Variants in TLL1 observed in about 807,000 individuals in gnomAD.
TLL1 encodes tolloid-like protein 1.
In TLL1, 49 loss-of-function variants were observed where a neutral mutation model predicts 128.2. The ratio of observed to expected loss-of-function variants is 0.38; its 90% CI spans 0.30 to 0.48. TLL1 has a LOEUF of 0.48. TLL1 is among the 20% of genes least tolerant of loss of function. The probability of loss-of-function intolerance (pLI) is 0.96; values close to 1 mark genes in which losing one functional copy is unlikely to be tolerated. For missense variants in TLL1, 1,123 were observed against 1,242.0 expected (o/e 0.90, Z 1.44); for synonymous variants, 454 against 418.8 (o/e 1.08, Z -1.03).
intron 7 of TLL1, among the ~76,000 whole-genome samples, chr4:166,009,873 A>G (rs1737606635): frequency 6.6e-6 from 1 of 151,362 alleles, no homozygotes; most frequent in South Asian, 2.1e-4. Context: ...TTAGGCATAC[A>G]AGTCAGTAGT....
chr4:165,962,744 A>G (rs1735172929), intron 1 of TLL1, among the ~76,000 whole-genome samples: 3 of 152,114 alleles, frequency 2.0e-5, no homozygotes, highest in Admixed American at 2.0e-4. Flanking sequence ...AAAGAAAGAA[A>G]TCATGTTCTT....
chr4:165,907,625 C>T (rs575423232), intron 1 of TLL1, among the ~76,000 whole-genome samples: 3 of 151,518 alleles, frequency 2.0e-5, no homozygotes, highest in Non-Finnish European at 2.9e-5. Flanking sequence ...CTTGGCTCAC[C>T]GCAACCTCTG....
At chr4:166,041,466 A>G (rs1290146849) in intron 10 of TLL1, among the ~76,000 whole-genome samples, 1 of 151,760 alleles carries the variant, frequency 6.6e-6, no homozygotes, top group African/African-American at 2.4e-5. Context: ...ACGCCCAGCT[A>G]ATTTTTGTAT....
At chr4:166,013,576 AAC>A (rs1319683622) in intron 7 of TLL1, among the ~76,000 whole-genome samples, 5 of 151,748 alleles carry the variant, frequency 3.3e-5, no homozygotes, top group African/African-American at 1.2e-4. Flanking sequence ...TAAATCCACA[AAC>A]ACACAACTCA....
At chr4:165,906,997 T>G (rs781152239) in intron 1 of TLL1, among the ~76,000 whole-genome samples, 5 of 152,222 alleles carry the variant, frequency 3.3e-5, no homozygotes, top group Non-Finnish European at 5.9e-5. Flanking sequence ...TTTCAGTAAT[T>G]GTTTGCAACT....
chr4:165,889,988 T>C (rs1731325876), intron 1 of TLL1, among the ~76,000 whole-genome samples: 1 of 152,108 alleles, frequency 6.6e-6, no homozygotes, highest in African/African-American at 2.4e-5. Context: ...GACTCACAGT[T>C]CATTCAGTAT....
intron 1 of TLL1, among the ~76,000 whole-genome samples, chr4:165,974,804 A>G (rs900984015): frequency 3.9e-5 from 6 of 152,162 alleles, no homozygotes; most frequent in Non-Finnish European, 5.9e-5. Flanking sequence ...CCAAATCTCC[A>G]TTGCCAAAAT....
intron 15 of TLL1, among the ~76,000 whole-genome samples, chr4:166,064,429 T>TGTGTTC (rs2111123979): frequency 6.6e-6 from 1 of 152,252 alleles, no homozygotes; most frequent in Non-Finnish European, 1.5e-5. Flanking sequence ...ATTGAGGTAT[T>TGTGTTC]GTGTTCTGAA....
At position 165,995,119 on chromosome 4, in the gene TLL1, G is replaced by A. The variant is rs754979554; in HGVS notation, c.573G>A (p.Val191=). The A allele has an allele frequency of 1.1e-5, 17 of 1,613,966 alleles. No individual in the cohort carries two copies. In the African/African-American group the frequency reaches 2.1e-4, roughly 20 times the overall value. Reference sequence around the variant, plus strand: ...GGCACTGGGAAAAGCACACATGTGTGACTTTCATAGAAAGAAGTGATGAAG... The same window carrying A: ...GGCACTGGGAAAAGCACACATGTGTAACTTTCATAGAAAGAAGTGATGAAG... ...AMRHWEKHTC[V]TFIERSDEES... The change falls in exon 5 of 21, where the codon GTG becomes GTA. Residue 191 remains valine, a synonymous_variant. Coordinates refer to ENST00000061240, the MANE Select transcript of TLL1 (RefSeq NM_012464.5).
chr4:165,879,797 C>A (rs1175778008), intron 1 of TLL1, among the ~76,000 whole-genome samples: 1 of 152,070 alleles, frequency 6.6e-6, no homozygotes, highest in Non-Finnish European at 1.5e-5. Flanking sequence ...CCTGCAGCAT[C>A]TTGAGCTCAG....
At chr4:165,962,334 C>T (rs1579550044) in intron 1 of TLL1, among the ~76,000 whole-genome samples, 1 of 152,242 alleles carries the variant, frequency 6.6e-6, no homozygotes, top group East Asian at 1.9e-4. Flanking sequence ...CTCAACATCA[C>T]TAATCATTAG....
intron 1 of TLL1, among the ~76,000 whole-genome samples, chr4:165,919,382 CAAA>C (rs1163238067): frequency 2.0e-4 from 15 of 75,246 alleles, no homozygotes; most frequent in Middle Eastern, 8.3e-3. Flanking sequence ...GACCCTGCTT[CAAA>C]AAAAAAAAAA....
At chr4:166,088,942 G>A (rs1741642021) in intron 18 of TLL1, among the ~76,000 whole-genome samples, 1 of 152,098 alleles carries the variant, frequency 6.6e-6, no homozygotes, top group African/African-American at 2.4e-5. Flanking sequence ...CCAATCAACG[G>A]ACTGAACATG....
chr4:165,985,234 C>T (rs1736347289), intron 1 of TLL1, among the ~76,000 whole-genome samples: 3 of 151,950 alleles, frequency 2.0e-5, no homozygotes, highest in South Asian at 2.1e-4. Context: ...AGTAGAGACA[C>T]TTAATTAGGG....
intron 1 of TLL1, among the ~76,000 whole-genome samples, chr4:165,976,483 T>C (rs1017223033): frequency 1.4e-4 from 22 of 152,354 alleles, no homozygotes; most frequent in South Asian, 2.1e-4. Flanking sequence ...ATTATTCTTA[T>C]ATTAATTTAC....
At chr4:165,889,826 GTTGAA>G (rs1023126030) in intron 1 of TLL1, among the ~76,000 whole-genome samples, 10 of 152,116 alleles carry the variant, frequency 6.6e-5, no homozygotes, top group African/African-American at 1.9e-4. Flanking sequence ...TTTAAAATAA[GTTGAA>G]TTGATTTACA....
At chr4:165,974,285 C>T (rs1000591498) in intron 1 of TLL1, among the ~76,000 whole-genome samples, 2 of 141,658 alleles carry the variant, frequency 1.4e-5, no homozygotes, top group Non-Finnish European at 3.0e-5. Context: ...GGACTACAGG[C>T]GCCCGCCACT....
intron 1 of TLL1, among the ~76,000 whole-genome samples, chr4:165,926,272 A>C (rs988517388): frequency 2.0e-5 from 3 of 152,220 alleles, no homozygotes; most frequent in African/African-American, 7.2e-5. Context: ...TTTTTGACAC[A>C]TTCATACAGC....
At chr4:165,953,585 A>C (rs1734639407) in intron 1 of TLL1, among the ~76,000 whole-genome samples, 1 of 148,612 alleles carries the variant, frequency 6.7e-6, no homozygotes, top group South Asian at 2.1e-4. Context: ...AAAAAAAAGA[A>C]AGAAGGAAAC....
Sources: allele counts gnomAD v4.1 joint callset (sites outside exome capture counted in the v4.1 genomes callset), GRCh38; gene constraint gnomAD v4.1.1; transcripts MANE v1.5; gene names NCBI Gene and HGNC (gene_info 2026-07-23, HGNC 2026-07-21).